Variants in GDA observed in about 807,000 individuals in gnomAD.
GDA encodes the protein guanine deaminase, also known as cytoplasmic PSD-95 interactor.
A neutral mutation model predicts 59.6 loss-of-function variants in GDA; 18 were observed. The observed-to-expected ratio is 0.30, with a 90% CI of 0.21 to 0.45. The LOEUF is 0.45. Ranked by LOEUF, GDA falls within the 20% of genes least tolerant of loss-of-function variation. GDA has a pLI of 1.00. For synonymous variants in GDA, 201 were observed against 201.1 expected (o/e 1.00, Z 0.00); for missense variants, 427 against 552.3 (o/e 0.77, Z 2.27).
At chr9:72,119,682 A>T (rs1478159468) in intron 1 of GDA, among the ~76,000 whole-genome samples, 1 of 152,178 alleles carries the variant, frequency 6.6e-6, no homozygotes, top group African/African-American at 2.4e-5. Context: ...GAAAGAGAAT[A>T]AATTTTCTTT....
At position 72,149,591 on chromosome 9, in the gene GDA, A is replaced by G; in HGVS notation, c.32A>G (p.His11Arg). 6.2e-7 allele frequency: 1 copy of G among 1,611,346 alleles called. No homozygotes were observed. The highest frequency in any genetic ancestry group is 8.5e-7 in the Non-Finnish European group (1 of 1,179,018). MCAAQMPPLA[H>R]IFRGTFVHST... ...GCCGCTCAGATGCCGCCCCTGGCGC[A>G]CATCTTCCGAGGGACGTTCGTCCAC... Residue 11 changes from histidine to arginine, a missense_variant, in exon 1 of 14, where the codon CAC becomes CGC. His to Arg is a conservative substitution (Grantham distance 29, BLOSUM62 0). Coordinates refer to ENST00000358399, the MANE Select transcript of GDA (RefSeq NM_004293.5).
chr9:72,248,988 T>A lies in GDA; in HGVS notation c.*646T>A. 1.0e-6 allele frequency: 1 copy of A among 985,012 alleles called. No homozygotes were observed. Among genetic ancestry groups the A allele is most frequent in the Non-Finnish European group, 1.2e-6 (1 of 829,116 alleles). 61.0% of individuals were successfully genotyped at this position (985,012 alleles called of 1,614,324 possible). On this transcript the variant is annotated 3_prime_UTR_variant, in exon 14 of 14. Transcript: ENST00000358399. Reference sequence around the variant, plus strand: ...TTCTTTGGCGATGAATGTCAGAAATTGAATGCCACATGCTTTCATAATATA... The same window carrying A: ...TTCTTTGGCGATGAATGTCAGAAATAGAATGCCACATGCTTTCATAATATA...
At chr9:72,216,364 G>A (rs138718623) in intron 5 of GDA, among the ~76,000 whole-genome samples, 2 of 152,292 alleles carry the variant, frequency 1.3e-5, no homozygotes, top group Admixed American at 6.5e-5. Flanking sequence ...AGTAAGAAAA[G>A]GGGAAAAACT....
At chr9:72,247,946 G>A (rs918185310) in intron 13 of GDA, among the ~76,000 whole-genome samples, 2 of 152,240 alleles carry the variant, frequency 1.3e-5, no homozygotes, top group African/African-American at 2.4e-5. Flanking sequence ...ATTCTGGAGC[G>A]TAAAGAGTAG....
At chr9:72,120,272 C>G (rs1392802021) in intron 1 of GDA, among the ~76,000 whole-genome samples, 1 of 151,820 alleles carries the variant, frequency 6.6e-6, no homozygotes, top group Non-Finnish European at 1.5e-5. Context: ...ACTGCAACCT[C>G]TGCCTCCTGG....
intron 1 of GDA, among the ~76,000 whole-genome samples, chr9:72,133,287 TAAAAAAAAAA>T (rs1257876460): frequency 5.2e-5 from 5 of 95,526 alleles, no homozygotes; most frequent in African/African-American, 1.3e-4. Context: ...AGACTCTGTC[TAAAAAAAAAA>T]AAAAAAAAAA....
intron 11 of GDA, among the ~76,000 whole-genome samples, chr9:72,244,167 A>G: frequency 6.7e-6 from 1 of 150,150 alleles, no homozygotes; most frequent in East Asian, 1.9e-4. Flanking sequence ...ACAGAGCAAG[A>G]CTCCGTCTCA....
At chr9:72,152,366 G>A (rs925508297) in intron 1 of GDA, among the ~76,000 whole-genome samples, 4 of 152,176 alleles carry the variant, frequency 2.6e-5, no homozygotes, top group Non-Finnish European at 4.4e-5. Flanking sequence ...TTCAAAAGCA[G>A]GTTAATTAAA....
upstream of GDA, among the ~76,000 whole-genome samples, chr9:72,147,469 G>A (rs961544917): frequency 5.3e-5 from 8 of 152,220 alleles, no homozygotes; most frequent in African/African-American, 1.7e-4. Context: ...CTCCCAAAGT[G>A]TTGGGATTAC....
intron 1 of GDA, among the ~76,000 whole-genome samples, chr9:72,137,158 T>A (rs1469232864): frequency 6.7e-6 from 1 of 149,604 alleles, no homozygotes; most frequent in African/African-American, 2.5e-5. Context: ...AAATTTAAGA[T>A]CCTTTAAAAT....
intron 1 of GDA, among the ~76,000 whole-genome samples, chr9:72,118,970 T>C (rs1393835868): frequency 6.6e-6 from 1 of 152,176 alleles, no homozygotes; most frequent in Admixed American, 6.6e-5. Flanking sequence ...TATAATTAAG[T>C]TTTACATATT....
chr9:72,205,487 G>T (rs1587639140), intron 3 of GDA, among the ~76,000 whole-genome samples: 1 of 152,270 alleles, frequency 6.6e-6, no homozygotes, highest in African/African-American at 2.4e-5. Context: ...AGCAAAGAAC[G>T]ATTCCAGAAT....
At chr9:72,180,629 T>C (rs929621801) in intron 1 of GDA, among the ~76,000 whole-genome samples, 3 of 152,222 alleles carry the variant, frequency 2.0e-5, no homozygotes, top group Non-Finnish European at 4.4e-5. Flanking sequence ...TTTGATGATT[T>C]CAGGATTCAA....
chr9:72,162,857 C>T (rs1158952255), intron 1 of GDA, among the ~76,000 whole-genome samples: 2 of 152,132 alleles, frequency 1.3e-5, no homozygotes, highest in Admixed American at 1.3e-4. Context: ...CAGGGTTTCA[C>T]CGTGCTAGCC....
intron 1 of GDA, among the ~76,000 whole-genome samples, chr9:72,133,308 A>AAAAT (rs767205305): frequency 0.27 from 27,192 of 99,402 alleles, 4,829 homozygotes; most frequent in Non-Finnish European, 0.4. Flanking sequence ...AAAAAAAAAA[A>AAAAT]AATAATAATA....
intron 1 of GDA, among the ~76,000 whole-genome samples, chr9:72,171,754 T>A (rs542167101): frequency 6.6e-6 from 1 of 152,298 alleles, no homozygotes; most frequent in East Asian, 1.9e-4. Context: ...TATAATGTTA[T>A]TTTATAACTT....
intron 1 of GDA, among the ~76,000 whole-genome samples, chr9:72,168,149 C>A (rs1829536076): frequency 6.6e-6 from 1 of 152,072 alleles, no homozygotes; most frequent in African/African-American, 2.4e-5. Flanking sequence ...GTAATCCCAG[C>A]AGATTGGGAG....
At chr9:72,137,242 C>CTT (rs143364725) in intron 1 of GDA, among the ~76,000 whole-genome samples, 6,673 of 84,468 alleles carry the variant, frequency 0.079, 847 homozygotes, top group Non-Finnish European at 0.11. Context: ...TTCTTTTTTT[C>CTT]TTTTTTTTTT....
chr9:72,135,258 A>G (rs1013815608), intron 1 of GDA, among the ~76,000 whole-genome samples: 1 of 151,830 alleles, frequency 6.6e-6, no homozygotes, highest in South Asian at 2.1e-4. Context: ...TTTCAATTTC[A>G]GTCAACGAAA....
Sources: allele counts gnomAD v4.1 joint callset (sites outside exome capture counted in the v4.1 genomes callset), GRCh38; gene constraint gnomAD v4.1.1; transcripts MANE v1.5; gene names NCBI Gene and HGNC (gene_info 2026-07-23, HGNC 2026-07-21).